Variants in P2RY10 observed in about 807,000 individuals in gnomAD.
The protein encoded by P2RY10 is putative P2Y purinoceptor 10.
A neutral mutation model predicts 12.1 loss-of-function variants in P2RY10; 4 were observed. That is an observed-to-expected ratio of 0.33 (90% CI 0.16 to 0.76). P2RY10 has a LOEUF of 0.76. Ranked by LOEUF, P2RY10 falls within the 30% of genes least tolerant of loss-of-function variation. The pLI is 0.61. For synonymous variants in P2RY10, 112 were observed against 94.1 expected (o/e 1.19, Z -1.10); for missense variants, 233 against 264.6 (o/e 0.88, Z 0.83).
In P2RY10 at chrX:78,960,702, G is replaced by C. The variant is rs769811073; in HGVS notation, c.182G>C (p.Arg61Pro). ...AGTGCAGCCTTGTGGGTTCTGTGCC[G>C]CTTCATCAGCAAGAAAAATAAAGCC... is the stretch of plus-strand genomic sequence containing the variant. ...ANSAALWVLC[R>P]FISKKNKAII... Residue 61 changes from arginine (R) to proline (P), a missense_variant, in exon 4 of 4, where the codon CGC becomes CCC. By Grantham distance (103) the Arg-to-Pro change is moderately radical. Transcript: ENST00000171757. 8.3e-7 allele frequency: 1 copy of C among 1,209,894 alleles called. No homozygotes were observed. Among genetic ancestry groups the C allele is most frequent in the Non-Finnish European group, 1.1e-6 (1 of 894,266 alleles).
In P2RY10 at chrX:78,960,383, T is replaced by C. The variant is rs1391250781; in HGVS notation, c.-13-125T>C. ...TATTTTCCTTGAGCCTCTAATTCTT[T>C]ATATGTAAACATGTCTCTTCTAATT... On this transcript the variant is annotated intron_variant, in intron 3 of 3. Coordinates refer to ENST00000171757, the MANE Select transcript of P2RY10 (RefSeq NM_014499.4). 4 of 528,773 alleles carry C rather than the reference T, an allele frequency of 7.6e-6. No individual in the cohort carries two copies. In the Admixed American group the frequency reaches 1.6e-4, roughly 21 times the overall value. The allele number at this position is 528,773 out of a possible 1,213,427, so 43.6% of individuals were successfully genotyped here. A position where few individuals can be genotyped will look rare whatever the true frequency, so the allele number is the denominator to read the frequency against.
Position 78,961,628 on chromosome X carries a change from T to C in P2RY10, c.*88T>C, listed in dbSNP as rs1018566273. Reference sequence around the variant, plus strand: ...CAGAATTGTCAACCAATTTCTTTAATTGAACATTGTAAAAAACAGGAATAA... The same window carrying C: ...CAGAATTGTCAACCAATTTCTTTAACTGAACATTGTAAAAAACAGGAATAA... On this transcript the variant is annotated 3_prime_UTR_variant, in exon 4 of 4. Transcript: ENST00000171757. The C allele has an allele frequency of 1.5e-6, 1 of 674,616 alleles. No individual in the cohort carries two copies. Among genetic ancestry groups the C allele is most frequent in the African/African-American group, 2.2e-5 (1 of 45,417 alleles). The allele number at this position is 674,616 out of a possible 1,213,427, so 55.6% of individuals were successfully genotyped here. A position where few individuals can be genotyped will look rare whatever the true frequency, so the allele number is the denominator to read the frequency against.
intron 1 of P2RY10, among the ~76,000 whole-genome samples, chrX:78,947,277 G>A (rs1921887135): frequency 9.0e-6 from 1 of 111,450 alleles, no homozygotes; most frequent in Non-Finnish European, 1.9e-5. Context: ...CATGGCTCAA[G>A]CAAAGAGAAC....
intron 3 of P2RY10, among the ~76,000 whole-genome samples, chrX:78,954,618 G>C (rs1225837483): frequency 1.8e-5 from 2 of 111,854 alleles, no homozygotes; most frequent in African/African-American, 3.3e-5. Flanking sequence ...AAATGTTTCT[G>C]AAATCCGTTA....
intron 1 of P2RY10, among the ~76,000 whole-genome samples, chrX:78,946,201 A>G (rs747996311): frequency 4.5e-5 from 5 of 111,785 alleles, no homozygotes; most frequent in African/African-American, 1.6e-4. Context: ...TGACCCTGCC[A>G]TTTTTTAGGA....
chrX:78,946,908 TG>T (rs762789425), intron 1 of P2RY10, among the ~76,000 whole-genome samples: 14 of 111,674 alleles, frequency 1.3e-4, no homozygotes, highest in Non-Finnish European at 2.6e-4. Context: ...ATAAGTGAGT[TG>T]GGGTTTTAAA....
intron 3 of P2RY10, 46 bp from the exon 4 acceptor site, chrX:78,960,462 G>T (rs777660530): frequency 1.5e-5 from 15 of 1,000,972 alleles, no homozygotes; most frequent in South Asian, 4.5e-5. Context: ...GTTAACTAAA[G>T]AACTAATTAA....
intron 3 of P2RY10, among the ~76,000 whole-genome samples, chrX:78,958,606 C>T (rs1376454924): frequency 1.8e-5 from 2 of 112,303 alleles, no homozygotes; most frequent in Non-Finnish European, 3.8e-5. Flanking sequence ...GTTCTTACAT[C>T]TTAGGACAGT....
In P2RY10 at chrX:78,960,865, C is replaced by A; in HGVS notation, c.345C>A (p.Leu115=). 1 of 1,211,357 alleles carries A rather than the reference C, an allele frequency of 8.3e-7. No individual in the cohort carries two copies. Among genetic ancestry groups the A allele is most frequent in the South Asian group, 1.8e-5 (1 of 56,981 alleles). Reference sequence around the variant, plus strand: ...TGCTCTGCTTCTACCTGAAGTATCTCAACATGTATGCCAGCATTTGTTTCC... The same window carrying A: ...TGCTCTGCTTCTACCTGAAGTATCTAAACATGTATGCCAGCATTTGTTTCC... ...LCLLCFYLKY[L]NMYASICFLT... The change falls in exon 4 of 4, where the codon CTC becomes CTA. Residue 115 remains leucine (L), a synonymous_variant. Transcript: ENST00000171757.
rs957229594 is a variant in P2RY10, at chrX:78,946,979, C to T, written c.-205-836C>T. ...CTGTAATTCCAGCATTTTGGGAGGC[C>T]GAGACAGGTGGATCACCTGAGGTCA... On this transcript the variant is annotated intron_variant, in intron 1 of 3. Coordinates refer to ENST00000171757, the MANE Select transcript of P2RY10 (RefSeq NM_014499.4). Among the ~76,000 whole-genome samples, 35 of 111,348 alleles carry T rather than the reference C, an allele frequency of 3.1e-4. 1 individual carries two copies. The highest frequency in any genetic ancestry group is 1.3e-4 in the Non-Finnish European group (7 of 53,010).
At chrX:78,956,457 C>T (rs959965250) in intron 3 of P2RY10, among the ~76,000 whole-genome samples, 1 of 111,470 alleles carries the variant, frequency 9.0e-6, no homozygotes, top group East Asian at 2.8e-4. Context: ...TTCAATTATA[C>T]TTTTTATATG....
At chrX:78,950,396 C>T (rs1467546844) in intron 2 of P2RY10, among the ~76,000 whole-genome samples, 2 of 110,754 alleles carry the variant, frequency 1.8e-5, no homozygotes, top group Non-Finnish European at 3.8e-5. Context: ...AAGAGCGTAT[C>T]AGAGCAGCAC....
intron 3 of P2RY10, among the ~76,000 whole-genome samples, chrX:78,958,454 T>C (rs2085207683): frequency 8.9e-6 from 1 of 112,125 alleles, no homozygotes; most frequent in Non-Finnish European, 1.9e-5. Context: ...GAAAGTGGCA[T>C]AGTGGAAATA....
intron 3 of P2RY10, among the ~76,000 whole-genome samples, chrX:78,957,357 GACAC>G (rs765759888): frequency 1.3e-3 from 74 of 57,917 alleles, no homozygotes; most frequent in South Asian, 2.6e-3. Flanking sequence ...GGAAGAGAAA[GACAC>G]ACACACACAC....
chrX:78,947,230 A>C (rs1002720935), intron 1 of P2RY10, among the ~76,000 whole-genome samples: 2 of 110,701 alleles, frequency 1.8e-5, no homozygotes, highest in African/African-American at 6.6e-5. Context: ...AAAAATAAAA[A>C]AAAGATAGGC....
chrX:78,948,887 A>T (rs1201914977), intron 2 of P2RY10, among the ~76,000 whole-genome samples: 3 of 111,769 alleles, frequency 2.7e-5, no homozygotes, highest in Non-Finnish European at 5.6e-5. Flanking sequence ...ACATAGATTC[A>T]TTCCACATCT....
chrX:78,959,161 A>G (rs913602350), intron 3 of P2RY10, among the ~76,000 whole-genome samples: 2 of 111,943 alleles, frequency 1.8e-5, no homozygotes, highest in Non-Finnish European at 3.8e-5. Context: ...CAATATGCAC[A>G]GAAGGTATGC....
At chrX:78,957,091 G>T (rs777297559) in intron 3 of P2RY10, among the ~76,000 whole-genome samples, 3 of 109,706 alleles carry the variant, frequency 2.7e-5, no homozygotes, top group African/African-American at 6.7e-5. Flanking sequence ...GGGTTTTCTG[G>T]GTTTTTATTG....
chrX:78,961,559 A>G lies in P2RY10; in HGVS notation c.*19A>G, dbSNP rs772522422. 2.7e-6 allele frequency: 3 copies of G among 1,116,794 alleles called. No homozygotes were observed. Among genetic ancestry groups the G allele is most frequent in the Non-Finnish European group, 3.6e-6 (3 of 822,950 alleles). The allele number at this position is 1,116,794 out of a possible 1,213,427, so 92.0% of individuals were successfully genotyped here. The stretch of plus-strand genomic sequence containing the variant: ...TGGCTAAAATTAAGATATCTCTTTA[A>G]TTACGCCTTTGTTTACCTACGTTCC... On this transcript the variant is annotated 3_prime_UTR_variant, in exon 4 of 4. Transcript: ENST00000171757.
Sources: gnomAD v4.1 joint callset for allele counts (sites outside exome capture counted in the v4.1 genomes callset) on GRCh38, gnomAD v4.1.1 for gene constraint, MANE v1.5 for transcripts, NCBI Gene and HGNC (gene_info 2026-07-23, HGNC 2026-07-21) for gene names.